The following UBE2E3 variants were observed in gnomAD, a reference collection of about 807,000 sequenced individuals.
UBE2E3 encodes the protein ubiquitin-conjugating enzyme E2 E3.
Under a neutral mutation model 23.6 loss-of-function variants are expected in UBE2E3, and 5 were observed. The observed-to-expected ratio is 0.21, with a 90% CI of 0.11 to 0.44. UBE2E3 has a LOEUF of 0.44. Ranked by LOEUF, UBE2E3 falls within the 20% of genes least tolerant of loss-of-function variation. The pLI, the probability that UBE2E3 is intolerant of heterozygous loss-of-function variation, is 0.99. For missense variants in UBE2E3, 81 were observed against 249.8 expected (o/e 0.32, Z 4.55); for synonymous variants, 78 against 87.5 (o/e 0.89, Z 0.60).
At chr2:181,039,960 T>C (rs901073342) in intron 3 of UBE2E3, among the ~76,000 whole-genome samples, 2 of 152,236 alleles carry the variant, frequency 1.3e-5, no homozygotes, top group Non-Finnish European at 2.9e-5. Context: ...TGATTTCTTA[T>C]TAGTTTTTTT....
chr2:181,030,377 G>A (rs1441635379), intron 3 of UBE2E3, among the ~76,000 whole-genome samples: 11 of 152,016 alleles, frequency 7.2e-5, no homozygotes, highest in Admixed American at 1.3e-4. Context: ...GCAGTGGCAC[G>A]ATCTCATCTC....
At chr2:181,060,855 C>G in intron 5 of UBE2E3, 43 bp downstream of exon 5, 1 of 413,462 alleles carries the variant, frequency 2.4e-6, no homozygotes. Flanking sequence ...ACTACAAAAA[C>G]GAGTGCTTTT....
intron 3 of UBE2E3, among the ~76,000 whole-genome samples, chr2:181,050,112 C>A (rs1295424667): frequency 6.6e-6 from 1 of 151,880 alleles, no homozygotes; most frequent in African/African-American, 2.4e-5. Flanking sequence ...CAAAAACTTA[C>A]ATATCAGAAT....
intron 3 of UBE2E3, among the ~76,000 whole-genome samples, chr2:181,006,386 TTTTG>T (rs1685147915): frequency 1.2e-4 from 1 of 8,326 alleles, no homozygotes; most frequent in African/African-American, 8.2e-4. Context: ...GATTTCAGAT[TTTTG>T]TTGCCTTCCA....
At chr2:181,030,052 T>C (rs1312435704) in intron 3 of UBE2E3, among the ~76,000 whole-genome samples, 1 of 152,050 alleles carries the variant, frequency 6.6e-6, no homozygotes, top group Non-Finnish European at 1.5e-5. Flanking sequence ...CAGGATTTTC[T>C]TGATTCCTTG....
At chr2:180,991,445 A>G (rs1314295332) in intron 3 of UBE2E3, among the ~76,000 whole-genome samples, 1 of 152,218 alleles carries the variant, frequency 6.6e-6, no homozygotes, top group African/African-American at 2.4e-5. Context: ...GTTAAGTAAA[A>G]TGAGGGTTGT....
At chr2:180,996,172 G>A (rs1429015528) in intron 3 of UBE2E3, among the ~76,000 whole-genome samples, 1 of 152,110 alleles carries the variant, frequency 6.6e-6, no homozygotes, top group Non-Finnish European at 1.5e-5. Flanking sequence ...AAGTCATATG[G>A]ACCTATTTGG....
At chr2:181,021,576 C>CT (rs1303509650) in intron 3 of UBE2E3, among the ~76,000 whole-genome samples, 1 of 102,490 alleles carries the variant, frequency 9.8e-6, no homozygotes, top group African/African-American at 3.7e-5. Flanking sequence ...TCCTTCCTCC[C>CT]TCCCTCCCTT....
rs1686929738 is a variant in UBE2E3 at position 181,054,398 on chromosome 2, A to G, written c.246-3295A>G. 4.0e-5 allele frequency among the ~76,000 whole-genome samples: 6 copies of G among 150,964 alleles called. No homozygotes were observed. The South Asian group carries it at 1.3e-3, about 32-fold the overall frequency. ...CCTGTTACTCCACATTTTCTTCAGC[A>G]TTTGTTGTTGGTGTTTTGGATTTGG... On this transcript the variant is annotated intron_variant, in intron 3 of 5. Transcript: ENST00000410062.
At chr2:181,022,730 A>C (rs1248129626) in intron 3 of UBE2E3, among the ~76,000 whole-genome samples, 1 of 151,960 alleles carries the variant, frequency 6.6e-6, no homozygotes, top group Non-Finnish European at 1.5e-5. Context: ...TGCAAAAAAA[A>C]ACAAAAAACA....
intron 3 of UBE2E3, among the ~76,000 whole-genome samples, chr2:181,006,684 C>G (rs1685158629): frequency 1.1e-5 from 1 of 90,148 alleles, no homozygotes; most frequent in Admixed American, 1.0e-4. Flanking sequence ...TGTAAGAAAG[C>G]AGAGAGATTT....
At chr2:181,017,013 A>G (rs1291907720) in intron 3 of UBE2E3, among the ~76,000 whole-genome samples, 1 of 152,204 alleles carries the variant, frequency 6.6e-6, no homozygotes, top group East Asian at 1.9e-4. Flanking sequence ...TCTGATTGAG[A>G]ACTTTATATC....
rs1685702115 is a variant in UBE2E3 at position 181,021,640 on chromosome 2, C to CTTCCTTCCTTCCTTCCTTCCTTCG, written c.246-36030_246-36029insGTTCCTTCCTTCCTTCCTTCCTTC. ...CCTCTCTCCCTCCCTTTTTTCCTTC[C>CTTCCTTCCTTCCTTCCTTCCTTCG]TTCCTTCCTTCCTTCCTTCCTTCCT... On this transcript the variant is annotated intron_variant, in intron 3 of 5. Coordinates refer to ENST00000410062, the MANE Select transcript of UBE2E3 (RefSeq NM_006357.4). Among the ~76,000 whole-genome samples the CTTCCTTCCTTCCTTCCTTCCTTCG allele has an allele frequency of 1.8e-5, 2 of 110,854 alleles. 1 individual carries two copies. Among genetic ancestry groups the CTTCCTTCCTTCCTTCCTTCCTTCG allele is most frequent in the Non-Finnish European group, 3.7e-5 (2 of 54,424 alleles). 72.7% of individuals were successfully genotyped at this position (110,854 alleles called of 152,430 possible).
intron 3 of UBE2E3, 48 bp downstream of exon 3, chr2:180,984,141 C>G (rs1457387289): frequency 3.3e-6 from 5 of 1,502,110 alleles, no homozygotes; most frequent in Non-Finnish European, 4.6e-6. Flanking sequence ...GGAAAAATAC[C>G]AAGAGATTGA....
At chr2:181,014,184 A>C (rs1685419195) in intron 3 of UBE2E3, among the ~76,000 whole-genome samples, 1 of 152,088 alleles carries the variant, frequency 6.6e-6, no homozygotes, top group African/African-American at 2.4e-5. Context: ...GGGTGTAAAG[A>C]TGGAAGTTTT....
intron 3 of UBE2E3, among the ~76,000 whole-genome samples, chr2:181,025,870 G>A (rs1221997059): frequency 6.6e-6 from 1 of 151,912 alleles, no homozygotes; most frequent in Non-Finnish European, 1.5e-5. Context: ...CTCTAAGATA[G>A]CTCTACTTTA....
chr2:180,991,897 T>A (rs2105576713), intron 3 of UBE2E3, among the ~76,000 whole-genome samples: 1 of 152,320 alleles, frequency 6.6e-6, no homozygotes, highest in East Asian at 1.9e-4. Flanking sequence ...TAAGAATTAT[T>A]TCTGGAATTT....
intron 3 of UBE2E3, among the ~76,000 whole-genome samples, chr2:181,018,370 G>GTATA (rs35440345): frequency 2.2e-4 from 33 of 149,578 alleles, no homozygotes; most frequent in African/African-American, 7.3e-4. Context: ...CTGTGTGTGT[G>GTATA]TATATATATA....
At chr2:181,026,161 A>G (rs1461218260) in intron 3 of UBE2E3, among the ~76,000 whole-genome samples, 1 of 151,932 alleles carries the variant, frequency 6.6e-6, no homozygotes, top group Non-Finnish European at 1.5e-5. Context: ...ATGAAAAAAC[A>G]CACTGAAACC....
Sources: gnomAD v4.1 joint callset for allele counts (sites outside exome capture counted in the v4.1 genomes callset) on GRCh38, gnomAD v4.1.1 for gene constraint, MANE v1.5 for transcripts, NCBI Gene and HGNC (gene_info 2026-07-23, HGNC 2026-07-21) for gene names.